PLEC: variants seen among roughly 807,000 people sequenced by gnomAD.
PLEC encodes the protein hemidesmosomal protein 1.
In PLEC, 216 loss-of-function variants were observed where a neutral mutation model predicts 392.8. That is an observed-to-expected ratio of 0.55 (90% CI 0.49 to 0.62). The LOEUF (loss-of-function observed/expected upper bound fraction) is 0.62, where lower values mean the gene tolerates loss of function less well. Among genes scored for constraint, PLEC ranks in the 20% least tolerant of loss-of-function variants. The pLI, the probability that PLEC is intolerant of heterozygous loss-of-function variation, is 0.00. For missense variants in PLEC, 6,863 were observed against 6,563.4 expected (o/e 1.05, Z -1.58); for synonymous variants, 3,621 against 2,980.6 (o/e 1.21, Z -7.00).
Position 143,916,195 on chromosome 8 carries a change from A to G in PLEC, c.13626T>C (p.Pro4542=), listed in dbSNP as rs1349815257. 7 of 1,542,082 alleles carry G rather than the reference A, an allele frequency of 4.5e-6. No individual in the cohort carries two copies. The Admixed American group carries it at 1.4e-4, about 30-fold the overall frequency. Residue 4542 remains proline (P), a synonymous_variant, in exon 32 of 32, where the codon CCT becomes CCC. Transcript: ENST00000345136. ...ASGSSASLGG[P]ESAVA ...GGCAGCCTCAGGCCACGGCAGACTCAGGGCCCCCCAGGGAGGCCGAGGACC... is the reference window on the plus strand; with the variant it reads ...GGCAGCCTCAGGCCACGGCAGACTCGGGGCCCCCCAGGGAGGCCGAGGACC...
rs781952848 is a variant in PLEC at position 143,929,984 on chromosome 8, C to G, written c.2691G>C (p.Gln897His). Residue 897 changes from glutamine to histidine, a missense_variant, in exon 22 of 32, where the codon CAG becomes CAC. Coordinates refer to ENST00000345136, the MANE Select transcript of PLEC (RefSeq NM_201384.3). ...TGAGCTGCACGTCGCGGCGAAGGCT[C>G]TGCCAGGCCAGAAGGCTCTTCATGT... The part of the protein sequence containing the change: ...HVDMKSLLAW[Q>H]SLRRDVQLIR... 1 of 1,611,988 alleles carries G rather than the reference C, an allele frequency of 6.2e-7. No individual in the cohort carries two copies. The highest frequency in any genetic ancestry group is 8.5e-7 in the Non-Finnish European group (1 of 1,179,678).
rs782650639 is a variant in PLEC, at chr8:143,927,452, C to T, written c.3714G>A (p.Leu1238=). The change falls in exon 27 of 32, where the codon CTG becomes CTA. Residue 1238 remains leucine, a synonymous_variant. Coordinates refer to ENST00000345136, the MANE Select transcript of PLEC (RefSeq NM_201384.3). ...GCTCCCGCACAGCCTGGCTGTCGGC[C>T]AGCGGCATGGCCTGGATCTGCTCCT... is the stretch of plus-strand genomic sequence containing the variant. ...RRQEQIQAMP[L]ADSQAVREQL... 4 of 1,598,786 alleles carry T rather than the reference C, an allele frequency of 2.5e-6. No individual in the cohort carries two copies. Among genetic ancestry groups the T allele is most frequent in the Non-Finnish European group, 8.5e-7 (1 of 1,178,504 alleles).
chr8:143,919,796 G>A lies in PLEC; in HGVS notation c.10025C>T (p.Ser3342Leu), dbSNP rs538702691. 38 of 1,612,788 alleles carry A rather than the reference G, an allele frequency of 2.4e-5. 1 individual carries two copies. The Admixed American group carries it at 2.8e-4, about 12-fold the overall frequency. ...CAGCGTCCGCACGGAGCCCAGCTCCGAAAGGTCCTTGACCGTCGTCTTGCC... is the reference window on the plus strand; with the variant it reads ...CAGCGTCCGCACGGAGCCCAGCTCCAAAAGGTCCTTGACCGTCGTCTTGCC... ...KDGKTTVKDL[S>L]ELGSVRTLLQ... is the part of the protein sequence containing the mutation. Residue 3342 changes from serine to leucine, a missense_variant, in exon 32 of 32, where the codon TCG (serine) becomes TTG (leucine). Ser to Leu is a moderately radical substitution (Grantham distance 145). Coordinates refer to ENST00000345136, the MANE Select transcript of PLEC (RefSeq NM_201384.3).
At chr8:143,941,158 C>T (rs999935032), upstream of PLEC, among the ~76,000 whole-genome samples, 10 of 152,218 alleles carry the variant, frequency 6.6e-5, no homozygotes, top group African/African-American at 2.2e-4. Flanking sequence ...GGCCAAGCCC[C>T]GCGCCTGCTG....
chr8:143,963,959 T>A (rs1022913974), intron 1 of PLEC, among the ~76,000 whole-genome samples: 1 of 151,966 alleles, frequency 6.6e-6, no homozygotes, highest in East Asian at 1.9e-4. Flanking sequence ...ATTATTGGTG[T>A]GTACTACCAT....
In PLEC at chr8:143,916,268, G is replaced by A. The variant is rs781844508; in HGVS notation, c.13553C>T (p.Ser4518Phe). 4 of 1,553,788 alleles carry A rather than the reference G, an allele frequency of 2.6e-6. No homozygotes were observed. Among genetic ancestry groups the A allele is most frequent in the African/African-American group, 2.7e-5 (2 of 73,058 alleles). The change falls in exon 32 of 32, where the codon TCT becomes TTT. Residue 4518 changes from serine to phenylalanine, a missense_variant. Physicochemically the swap from Ser to Phe is radical, Grantham distance 155. Coordinates refer to ENST00000345136, the MANE Select transcript of PLEC (RefSeq NM_201384.3). ...ATGSGFSMTF[S>F]SSSYSSSGYG... Reference sequence around the variant, plus strand: ...GCCCGAGGAGGAGTAGGAGGATGAAGAGAAGGTCATGGAGAAGCCGGAGCC... The same window carrying A: ...GCCCGAGGAGGAGTAGGAGGATGAAAAGAAGGTCATGGAGAAGCCGGAGCC...
At chr8:143,961,230 CTT>C (rs370018306) in intron 1 of PLEC, among the ~76,000 whole-genome samples, 2 of 147,010 alleles carry the variant, frequency 1.4e-5, no homozygotes. Flanking sequence ...CCAGAAATTC[CTT>C]TTTTTTTTTT....
At chr8:143,939,253 C>T (rs1171321709) in intron 1 of PLEC, 97 bp downstream of exon 1, 3 of 1,493,372 alleles carry the variant, frequency 2.0e-6, no homozygotes, top group South Asian at 2.4e-5. Context: ...AGACCAGCCC[C>T]CCAGCGGTGC....
intron 5 of PLEC, among the ~76,000 whole-genome samples, chr8:143,936,355 GC>G (rs1229693744): frequency 6.6e-6 from 1 of 152,238 alleles, no homozygotes; most frequent in Non-Finnish European, 1.5e-5. Flanking sequence ...CTGGGATGGA[GC>G]AGAGTGGAAG....
Position 143,923,012 on chromosome 8 carries a change from G to A in PLEC, c.6917C>T (p.Ala2306Val). 3 of 1,611,610 alleles carry A rather than the reference G, an allele frequency of 1.9e-6. No homozygotes were observed. The highest frequency in any genetic ancestry group is 2.2e-5 in the South Asian group (2 of 90,916). Residue 2306 changes from alanine to valine, a missense_variant, in exon 31 of 32, where the codon GCC (alanine) becomes GTC (valine). Ala to Val is a moderately conservative substitution (Grantham distance 64). Transcript: ENST00000345136. ...CTCCTTGAGCATCTTCTCTGCCAAG[G>A]CCCGCTGCTGTGCCAGGTCCTCCTC... ...LAEEDLAQQR[A>V]LAEKMLKEKM...
At chr8:143,937,288 G>A (rs781873815) in intron 3 of PLEC, 46 bp from the exon 4 acceptor site, 16 of 1,477,922 alleles carry the variant, frequency 1.1e-5, no homozygotes, top group Middle Eastern at 3.6e-4. Flanking sequence ...TGCAGCTCCC[G>A]GGCCCCACCC....
chr8:143,916,360 A>G lies in PLEC; in HGVS notation c.13461T>C (p.Ala4487=), dbSNP rs7014582. 704,177 of 1,607,936 alleles carry G rather than the reference A, an allele frequency of 0.44. 163,640 individuals carry two copies. Among genetic ancestry groups the G allele is most frequent in the African/African-American group, 0.85 (63,285 of 74,860 alleles). The change falls in exon 32 of 32, where the codon GCT becomes GCC. Residue 4487 remains alanine, a synonymous_variant. Transcript: ENST00000345136. ...PYSVSGSGST[A]GSRTGSRTGS... ...CGGTGCGCGAGCCGGTGCGGGAGCC[A>G]GCGGTAGAGCCGGAGCCGCTGACGC...
At position 143,917,037 on chromosome 8, in the gene PLEC, C is replaced by T. The variant is rs142946078; in HGVS notation, c.12784G>A (p.Val4262Ile). 9.4e-4 allele frequency: 1,520 copies of T among 1,610,610 alleles called. 26 individuals are homozygous for T. In the East Asian group the frequency reaches 0.023, roughly 24 times the overall value. ...CAGGAGGCCAGCTGGGTCCTGGAGA[C>T]GGCGGGGCTGATGGGGTAGGAGGAG... is the stretch of plus-strand genomic sequence containing the variant. Reference protein sequence around the residue: ...SSSSYPISPAVSRTQLASWSD... With the variant: ...SSSSYPISPAISRTQLASWSD... Residue 4262 changes from valine to isoleucine, a missense_variant, in exon 32 of 32, where the codon GTC (valine) becomes ATC (isoleucine). By Grantham distance (29) the Val-to-Ile change is conservative. Coordinates refer to ENST00000345136, the MANE Select transcript of PLEC (RefSeq NM_201384.3).
intron 12 of PLEC, among the ~76,000 whole-genome samples, chr8:143,933,652 C>T (rs1321229870): frequency 2.6e-5 from 4 of 152,212 alleles, no homozygotes; most frequent in Admixed American, 6.5e-5. Context: ...TGTAATGCCA[C>T]GTGGGCCCTG....
upstream of PLEC, among the ~76,000 whole-genome samples, chr8:143,944,287 T>A (rs1831097833): frequency 6.6e-6 from 1 of 151,452 alleles, no homozygotes; most frequent in African/African-American, 2.4e-5. Flanking sequence ...GCACACACCC[T>A]CCCTCCCTCC....
rs782225286 is a variant in PLEC, at chr8:143,929,993, C to T, written c.2682G>A (p.Leu894=). 1.2e-6 allele frequency: 2 copies of T among 1,612,174 alleles called. No individual in the cohort carries two copies. Among genetic ancestry groups the T allele is most frequent in the Non-Finnish European group, 1.7e-6 (2 of 1,179,716 alleles). ...CGTCGCGGCGAAGGCTCTGCCAGGC[C>T]AGAAGGCTCTTCATGTCCACGTGCA... ...HQLHVDMKSL[L]AWQSLRRDVQ... The change falls in exon 22 of 32, where the codon CTG becomes CTA. Residue 894 remains leucine (L), a synonymous_variant. Transcript: ENST00000345136.
In PLEC at chr8:143,916,247, G is replaced by A. The variant is rs368507062; in HGVS notation, c.13574C>T (p.Ser4525Leu). Residue 4525 changes from serine (S) to leucine (L), a missense_variant, in exon 32 of 32, where the codon TCG becomes TTG. Physicochemically the swap from Ser to Leu is moderately radical, Grantham distance 145 (BLOSUM62 -2). Coordinates refer to ENST00000345136, the MANE Select transcript of PLEC (RefSeq NM_201384.3). ...CGAGGCGTAGCGGCGGCCGTAGCCC[G>A]AGGAGGAGTAGGAGGATGAAGAGAA... ...MTFSSSSYSS[S>L]GYGRRYASGS... 73 of 1,547,088 alleles carry A rather than the reference G, an allele frequency of 4.7e-5. No individual in the cohort carries two copies. The East Asian group carries it at 1.3e-3, about 28-fold the overall frequency.
chr8:143,936,881 C>A, intron 5 of PLEC, 98 bp downstream of exon 5: 1 of 968,288 alleles, frequency 1.0e-6, no homozygotes, highest in Non-Finnish European at 1.6e-6. Context: ...TCCCAGGCCA[C>A]GCCCTAGCCA....
In PLEC at chr8:143,922,230, G is replaced by A. The variant is rs781838363; in HGVS notation, c.7591C>T (p.Arg2531Cys). 1.5e-5 allele frequency: 24 copies of A among 1,577,462 alleles called. No individual in the cohort carries two copies. The highest frequency in any genetic ancestry group is 6.8e-5 in the East Asian group (3 of 43,936). ...TGCTGCTGCCGCTGCTGCTCCTCAC[G>A]CAGCTGCTGTGCCTTGGCCACCTCG... ...QDEVAKAQQL[R>C]EEQQRQQQQM... The change falls in exon 32 of 32, where the codon CGT (arginine) becomes TGT (cysteine). Residue 2531 changes from arginine to cysteine, a missense_variant. Physicochemically the swap from Arg to Cys is radical, Grantham distance 180. Coordinates refer to ENST00000345136, the MANE Select transcript of PLEC (RefSeq NM_201384.3).
Sources: gnomAD v4.1 joint callset for allele counts (sites outside exome capture counted in the v4.1 genomes callset) on GRCh38, gnomAD v4.1.1 for gene constraint, MANE v1.5 for transcripts, NCBI Gene and HGNC (gene_info 2026-07-23, HGNC 2026-07-21) for gene names.